The following ETV6 variants were observed in gnomAD, a reference collection of about 807,000 sequenced individuals.
ETV6 encodes the protein transcription factor ETV6.
Under a neutral mutation model 51.1 loss-of-function variants are expected in ETV6, and 16 were observed. That is an observed-to-expected ratio of 0.31 (90% CI 0.21 to 0.48). The LOEUF (loss-of-function observed/expected upper bound fraction) is 0.48. Among genes scored for constraint, ETV6 ranks in the 20% least tolerant of loss-of-function variants. The pLI is 0.99. For missense variants in ETV6, 458 were observed against 594.8 expected, an observed-to-expected ratio of 0.77 and a Z score of 2.39; for synonymous variants, 240 against 224.1, an observed-to-expected ratio of 1.07 and a Z score of -0.64.
intron 1 of ETV6, among the ~76,000 whole-genome samples, chr12:11,710,996 G>A (rs1474557117): frequency 6.6e-6 from 1 of 152,186 alleles, no homozygotes; most frequent in East Asian, 1.9e-4. Flanking sequence ...AGCTTGGAGG[G>A]TCAGAGGCCT....
At chr12:11,749,842 C>T (rs1865988819) in intron 1 of ETV6, among the ~76,000 whole-genome samples, 1 of 152,216 alleles carries the variant, frequency 6.6e-6, no homozygotes. Flanking sequence ...GCCATGGCTA[C>T]TAGAAGAGTG....
chr12:11,852,704 G>C (rs1325652709), intron 3 of ETV6, among the ~76,000 whole-genome samples: 1 of 152,220 alleles, frequency 6.6e-6, no homozygotes, highest in Non-Finnish European at 1.5e-5. Context: ...TTGTTCGGCA[G>C]CTACTGAAGC....
intron 1 of ETV6, among the ~76,000 whole-genome samples, chr12:11,725,529 C>G (rs1865472042): frequency 6.6e-6 from 1 of 151,948 alleles, no homozygotes; most frequent in Non-Finnish European, 1.5e-5. Flanking sequence ...TTTTCTTTTC[C>G]CATAGGATTT....
chr12:11,703,542 T>C (rs2856322), intron 1 of ETV6, among the ~76,000 whole-genome samples: 84,221 of 152,022 alleles, frequency 0.55, 24,606 homozygotes, highest in Middle Eastern at 0.7. Flanking sequence ...TTATAACACA[T>C]ACTCTGCCCT....
intron 4 of ETV6, among the ~76,000 whole-genome samples, chr12:11,864,172 ATCAG>A (rs1216743396): frequency 6.6e-6 from 1 of 152,180 alleles, no homozygotes; most frequent in Non-Finnish European, 1.5e-5. Flanking sequence ...AGGACATTAC[ATCAG>A]TTCCTCCTTT....
At position 11,650,090 on chromosome 12, in the gene ETV6, A is replaced by T; in HGVS notation, c.-38A>T. 6.2e-7 allele frequency: 1 copy of T among 1,609,216 alleles called. No individual in the cohort carries two copies. The highest frequency in any genetic ancestry group is 8.5e-7 in the Non-Finnish European group (1 of 1,175,734). The stretch of plus-strand genomic sequence containing the variant: ...TTGGGGAGAGGAAAGGAAAGTGGAA[A>T]AAACCTGAGAACTTCCTGATCTCTC... On this transcript the variant is annotated 5_prime_UTR_variant, in exon 1 of 8. Coordinates refer to ENST00000396373, the MANE Select transcript of ETV6 (RefSeq NM_001987.5).
intron 1 of ETV6, among the ~76,000 whole-genome samples, chr12:11,654,892 G>A (rs1463227963): frequency 6.6e-6 from 1 of 152,168 alleles, no homozygotes; most frequent in African/African-American, 2.4e-5. Flanking sequence ...TAAGCTCCCT[G>A]TTTCAAACAG....
At chr12:11,850,687 C>T (rs1946540479) in intron 3 of ETV6, among the ~76,000 whole-genome samples, 1 of 152,200 alleles carries the variant, frequency 6.6e-6, no homozygotes, top group African/African-American at 2.4e-5. Context: ...AGGTAGATGC[C>T]ATCAACACTG....
chr12:11,747,012 C>T (rs765683478), intron 1 of ETV6, among the ~76,000 whole-genome samples: 59 of 152,068 alleles, frequency 3.9e-4, no homozygotes, highest in Non-Finnish European at 4.9e-4. Flanking sequence ...TCTACATAAA[C>T]TAGAGAAAGG....
chr12:11,747,545 A>G (rs1865930212), intron 1 of ETV6, among the ~76,000 whole-genome samples: 1 of 152,196 alleles, frequency 6.6e-6, no homozygotes, highest in Non-Finnish European at 1.5e-5. Context: ...GGAGATTCCA[A>G]AAATGTTACT....
At chr12:11,880,379 A>G (rs1025855133) in intron 5 of ETV6, among the ~76,000 whole-genome samples, 2 of 152,334 alleles carry the variant, frequency 1.3e-5, no homozygotes, top group Admixed American at 1.3e-4. Context: ...TGAAGCTGAT[A>G]GGGAAACGGT....
chr12:11,816,976 T>A (rs1431251454), intron 2 of ETV6, among the ~76,000 whole-genome samples: 5 of 152,194 alleles, frequency 3.3e-5, no homozygotes, highest in African/African-American at 7.2e-5. Flanking sequence ...CATAGTGGGC[T>A]GGATAGGGGG....
chr12:11,774,400 T>C (rs575991551), intron 2 of ETV6, among the ~76,000 whole-genome samples: 2 of 152,212 alleles, frequency 1.3e-5, no homozygotes, highest in South Asian at 4.2e-4. Flanking sequence ...AGAGAAGAAT[T>C]CAGAAAGTCA....
In ETV6 at chr12:11,869,588, C is replaced by T. The variant is rs762232508; in HGVS notation, c.628C>T (p.Arg210Cys). 3.1e-5 allele frequency: 50 copies of T among 1,614,078 alleles called. No homozygotes were observed. Among genetic ancestry groups the T allele is most frequent in the Non-Finnish European group, 1.9e-5 (22 of 1,180,042 alleles). ...CCGGTCCCCCCTGGACAACATGATC[C>T]GCCGCCTCTCCCCGGCTGAGAGAGC... is the stretch of plus-strand genomic sequence containing the variant. Reference protein sequence around the residue: ...PLRSPLDNMIRRLSPAERAQG... With the variant: ...PLRSPLDNMICRLSPAERAQG... The change falls in exon 5 of 8, where the codon CGC (arginine) becomes TGC (cysteine). Residue 210 changes from arginine to cysteine, a missense_variant. This residue lies in a region of ETV6 where 293 missense variants were observed against 315.7 expected (regional missense o/e 0.93). Coordinates refer to ENST00000396373, the MANE Select transcript of ETV6 (RefSeq NM_001987.5). The surrounding 1 kb of genome is among the most constrained non-coding windows in gnomAD (Gnocchi z 5.0).
At chr12:11,888,392 TC>T (rs1463003934) in intron 7 of ETV6, among the ~76,000 whole-genome samples, 4 of 46,932 alleles carry the variant, frequency 8.5e-5, no homozygotes, top group African/African-American at 2.0e-4. Context: ...TCTTTTCTTT[TC>T]TTTTCTTTTT....
chr12:11,825,763 C>T (rs967723787), intron 2 of ETV6: 9 of 151,106 alleles, frequency 6.0e-5, no homozygotes, highest in African/African-American at 2.0e-4. Flanking sequence ...TTTATTATAA[C>T]GTGGTTAAGA....
chr12:11,772,410 G>T (rs1945254909), intron 2 of ETV6, among the ~76,000 whole-genome samples: 2 of 152,288 alleles, frequency 1.3e-5, no homozygotes, highest in Non-Finnish European at 2.9e-5. Flanking sequence ...AGTAAAGATG[G>T]TTTTCAGTGA....
intron 2 of ETV6, among the ~76,000 whole-genome samples, chr12:11,762,998 A>T (rs11054446): frequency 0.054 from 8,208 of 152,188 alleles, 270 homozygotes; most frequent in South Asian, 0.16. Context: ...TCCTCCTCGC[A>T]TGCCTTGCTT....
chr12:11,665,748 A>C (rs1020647271), intron 1 of ETV6, among the ~76,000 whole-genome samples: 2 of 152,176 alleles, frequency 1.3e-5, no homozygotes, highest in Non-Finnish European at 2.9e-5. Flanking sequence ...TGTGTTTTGA[A>C]ACATATCAGG....
Sources: allele counts gnomAD v4.1 joint callset (sites outside exome capture counted in the v4.1 genomes callset), GRCh38; gene constraint gnomAD v4.1.1; regional missense constraint gnomAD v4.1.1; non-coding constraint Gnocchi (gnomAD v3.1); transcripts MANE v1.5; gene names NCBI Gene and HGNC (gene_info 2026-07-23, HGNC 2026-07-21).